The following CDH12 variants were observed in gnomAD, a reference collection of about 807,000 sequenced individuals.
CDH12 encodes cadherin 12.
A neutral mutation model predicts 74.1 loss-of-function variants in CDH12; 41 were observed. That is an observed-to-expected ratio of 0.55 (90% CI 0.43 to 0.72). The LOEUF (loss-of-function observed/expected upper bound fraction) is 0.72. Ranked by LOEUF, CDH12 falls within the 30% of genes least tolerant of loss-of-function variation. The probability of loss-of-function intolerance (pLI) is 0.00; values close to 1 mark genes in which losing one functional copy is unlikely to be tolerated. For missense variants in CDH12, 945 were observed against 977.2 expected, an observed-to-expected ratio of 0.97 and a Z score of 0.44; for synonymous variants, 399 against 355.0, an observed-to-expected ratio of 1.12 and a Z score of -1.39.
At chr5:22,468,488 G>T (rs995326727) in intron 2 of CDH12, among the ~76,000 whole-genome samples, 1 of 152,024 alleles carries the variant, frequency 6.6e-6, no homozygotes, top group Non-Finnish European at 1.5e-5. Flanking sequence ...TCAGTTTTTG[G>T]AAAGCTCAGT....
chr5:22,594,628 A>G (rs1736507889), intron 1 of CDH12, among the ~76,000 whole-genome samples: 1 of 151,612 alleles, frequency 6.6e-6, no homozygotes, highest in African/African-American at 2.4e-5. Context: ...TGTTAACTCA[A>G]GTCTCTACAA....
At chr5:21,837,696 T>C (rs1488594455) in intron 8 of CDH12, among the ~76,000 whole-genome samples, 1 of 152,178 alleles carries the variant, frequency 6.6e-6, no homozygotes, top group East Asian at 1.9e-4. Flanking sequence ...TTTCTCTTTA[T>C]AAATGTTTTG....
Position 21,751,104 on chromosome 5 carries a change from A to G in CDH12, c.*633T>C, listed in dbSNP as rs1227989376. On this transcript the variant is annotated 3_prime_UTR_variant, in exon 15 of 15. Coordinates refer to ENST00000382254, the MANE Select transcript of CDH12 (RefSeq NM_004061.5). ...TATTTCAATTTTCTGAAAGGATAGG[A>G]TAAACAAATACGTTTTAGCATACAG... 1 of 152,626 alleles carries G rather than the reference A, an allele frequency of 6.6e-6. No homozygotes were observed. Among genetic ancestry groups the G allele is most frequent in the Non-Finnish European group, 1.5e-5 (1 of 68,070 alleles). The allele number at this position is 152,626 out of a possible 1,614,324, so 9.5% of individuals were successfully genotyped here. A position where few individuals can be genotyped will look rare whatever the true frequency, so the allele number is the denominator to read the frequency against.
At chr5:21,953,948 C>A in intron 6 of CDH12, among the ~76,000 whole-genome samples, 1 of 152,072 alleles carries the variant, frequency 6.6e-6, no homozygotes. Flanking sequence ...AAATACATAA[C>A]CAAATAGACA....
rs768945480 is a variant in CDH12, at chr5:22,452,880, CAA to C, written c.-427-47531_-427-47530del. 5.7e-3 allele frequency among the ~76,000 whole-genome samples: 184 copies of C among 32,194 alleles called. 2 individuals are homozygous for C. The highest frequency in any genetic ancestry group is 0.014 in the South Asian group (9 of 636). The allele number at this position is 32,194 out of a possible 152,430, so 21.1% of individuals were successfully genotyped here. On this transcript the variant is annotated intron_variant, in intron 2 of 14. Transcript: ENST00000382254. ...ATAAGAAACTCAAACAACCTAAGAGCAAAAAAAAAAAAAAAAAAAAAAAATGA... is the reference window on the plus strand; with the variant it reads ...ATAAGAAACTCAAACAACCTAAGAGCAAAAAAAAAAAAAAAAAAAAAATGA...
intron 1 of CDH12, among the ~76,000 whole-genome samples, chr5:22,609,780 T>A (rs1334430283): frequency 6.6e-6 from 1 of 152,238 alleles, no homozygotes; most frequent in Admixed American, 6.5e-5. Flanking sequence ...CGGTAAAGTG[T>A]GTCATCTACT....
intron 3 of CDH12, among the ~76,000 whole-genome samples, chr5:22,217,930 T>A (rs941293051): frequency 6.6e-6 from 1 of 151,660 alleles, no homozygotes; most frequent in Non-Finnish European, 1.5e-5. Context: ...ATCAAATGAA[T>A]TTCCTGTTCA....
intron 3 of CDH12, among the ~76,000 whole-genome samples, chr5:22,222,059 A>G (rs775427709): frequency 6.6e-6 from 1 of 152,004 alleles, no homozygotes; most frequent in African/African-American, 2.4e-5. Flanking sequence ...TACAATGCTT[A>G]ATGTAAGTAC....
At chr5:22,320,751 C>T (rs1020572758) in intron 3 of CDH12, among the ~76,000 whole-genome samples, 1 of 152,154 alleles carries the variant, frequency 6.6e-6, no homozygotes, top group Non-Finnish European at 1.5e-5. Context: ...ACTATCAAAT[C>T]CAACATTCTC....
At chr5:22,267,450 A>G (rs1736175613) in intron 3 of CDH12, among the ~76,000 whole-genome samples, 1 of 152,212 alleles carries the variant, frequency 6.6e-6, no homozygotes, top group Non-Finnish European at 1.5e-5. Context: ...AGATTGATAT[A>G]GACAACCTTA....
rs564854121 is a variant in CDH12 at position 21,783,432 on chromosome 5, G to A, written c.1319C>T (p.Thr440Ile). Residue 440 changes from threonine (T) to isoleucine (I), a missense_variant, in exon 11 of 15, where the codon ACC becomes ATC. Physicochemically the swap from Thr to Ile is moderately conservative, Grantham distance 89 (BLOSUM62 -1). Coordinates refer to ENST00000382254, the MANE Select transcript of CDH12 (RefSeq NM_004061.5). ...SYFTIDGNEG[T>I]IATNELLDRE... ...GTCTAGTAATTCATTAGTGGCGATG[G>A]TTCCTTCATTTCCATCTATTGTAAA... 1.0e-5 allele frequency: 16 copies of A among 1,606,770 alleles called. No individual in the cohort carries two copies. In the East Asian group the frequency reaches 2.2e-4, roughly 22 times the overall value.
At chr5:22,383,203 TAA>T (rs987079812) in intron 3 of CDH12, among the ~76,000 whole-genome samples, 1 of 152,174 alleles carries the variant, frequency 6.6e-6, no homozygotes, top group Non-Finnish European at 1.5e-5. Flanking sequence ...TGAAAATGAA[TAA>T]GAGAGTTCCT....
Position 21,976,837 on chromosome 5 carries a change from C to A in CDH12, c.232-1452G>T, listed in dbSNP as rs368329954. Among the ~76,000 whole-genome samples the A allele has an allele frequency of 6.7e-3, 1,026 of 152,104 alleles. 5 individuals are homozygous for A. Among genetic ancestry groups the A allele is most frequent in the Non-Finnish European group, 9.8e-3 (664 of 67,934 alleles). ...TTTTCTTAACATTTCAACACACACACAAAAACTCTGAAAATATTTTAAATT... is the reference window on the plus strand; with the variant it reads ...TTTTCTTAACATTTCAACACACACAAAAAAACTCTGAAAATATTTTAAATT... On this transcript the variant is annotated intron_variant, in intron 5 of 14. Transcript: ENST00000382254.
At chr5:22,784,632 C>A (rs1747537234) in intron 1 of CDH12, among the ~76,000 whole-genome samples, 1 of 152,136 alleles carries the variant, frequency 6.6e-6, no homozygotes, top group South Asian at 2.1e-4. Context: ...TCTACCAGTT[C>A]ATCCTACTTC....
intron 4 of CDH12, among the ~76,000 whole-genome samples, chr5:22,087,576 G>A (rs2150234218): frequency 6.6e-6 from 1 of 152,242 alleles, no homozygotes; most frequent in Middle Eastern, 3.4e-3. Context: ...AGAAAGCAAA[G>A]GTTGCAGTGC....
intron 1 of CDH12, among the ~76,000 whole-genome samples, chr5:22,687,476 C>T (rs1354950565): frequency 2.6e-5 from 4 of 152,046 alleles, no homozygotes; most frequent in African/African-American, 9.7e-5. Context: ...GGCATGATCT[C>T]GTTTCACAGC....
chr5:22,153,900 A>ATG (rs1376239023), intron 4 of CDH12, among the ~76,000 whole-genome samples: 2 of 56,132 alleles, frequency 3.6e-5, no homozygotes, highest in African/African-American at 5.2e-5. Flanking sequence ...ATATATATAT[A>ATG]TATACACACA....
chr5:22,170,763 C>G (rs1297230769), intron 4 of CDH12, among the ~76,000 whole-genome samples: 1 of 151,808 alleles, frequency 6.6e-6, no homozygotes, highest in East Asian at 1.9e-4. Context: ...AATTTGGGAG[C>G]TGGTGCCACA....
Position 21,753,449 on chromosome 5 carries a change from C to T in CDH12, c.1886-1213G>A, listed in dbSNP as rs115699879. Among the ~76,000 whole-genome samples, 1,502 of 152,218 alleles carry T rather than the reference C, an allele frequency of 9.9e-3. 12 individuals carry two copies. Among genetic ancestry groups the T allele is most frequent in the South Asian group, 0.028 (136 of 4,824 alleles). ...GTGAGAGACTGCAGACCTCATGGAG[C>T]AGCCCCATACATAAAATGAGTTCAG... On this transcript the variant is annotated intron_variant, in intron 14 of 14. Coordinates refer to ENST00000382254, the MANE Select transcript of CDH12 (RefSeq NM_004061.5).
Sources: allele counts gnomAD v4.1 joint callset (sites outside exome capture counted in the v4.1 genomes callset), GRCh38; gene constraint gnomAD v4.1.1; transcripts MANE v1.5; gene names NCBI Gene and HGNC (gene_info 2026-07-23, HGNC 2026-07-21).